The following FKBP8 variants were observed in gnomAD, a reference collection of about 807,000 sequenced individuals.
FKBP8 encodes FKBP prolyl isomerase 8.
A neutral mutation model predicts 41.7 loss-of-function variants in FKBP8; 5 were observed. That is an observed-to-expected ratio of 0.12 (90% CI 0.06 to 0.25). FKBP8 has a LOEUF of 0.25. FKBP8 is among the 10% of genes least tolerant of loss of function. FKBP8 has a pLI of 1.00. For synonymous variants in FKBP8, 279 were observed against 254.5 expected (o/e 1.10, Z -0.92); for missense variants, 397 against 563.0 (o/e 0.71, Z 2.98).
chr19:18,539,287 T>C (rs1260929775), intron 4 of FKBP8, 84 bp downstream of exon 4: 1 of 1,230,426 alleles, frequency 8.1e-7, no homozygotes, highest in Non-Finnish European at 1.2e-6. Flanking sequence ...AATGGGCAAG[T>C]AGATGGGGTG....
chr19:18,538,123 T>C lies in FKBP8; in HGVS notation c.772+93A>G. ...CCATATTCTGGGCTATTCTAGAATA[T>C]TCTGAGTCTGAGGCTCTCTGGGGCT... On this transcript the variant is annotated intron_variant, in intron 5 of 8. Transcript: ENST00000608443. This position sits in a 1 kb window ranked among gnomAD's most constrained non-coding sequence, Gnocchi z 4.0. 1.5e-6 allele frequency: 2 copies of C among 1,336,914 alleles called. No individual in the cohort carries two copies. Among genetic ancestry groups the C allele is most frequent in the Non-Finnish European group, 2.1e-6 (2 of 963,078 alleles). 82.8% of individuals were successfully genotyped at this position (1,336,914 alleles called of 1,614,324 possible).
rs544946458 is a variant in FKBP8 at position 18,539,667 on chromosome 19, G to A, written c.346C>T (p.Arg116Cys). ...GTGACCACCTGGCCCTTGACCGGGC[G>A]GCTCGAACCTGGCGGCCCTGGGACC... ...TLVPGPPGSS[R>C]PVKGQVVTVH... The change falls in exon 3 of 9, where the codon CGC becomes TGC. Residue 116 changes from arginine (R) to cysteine (C), a missense_variant. By Grantham distance (180) the Arg-to-Cys change is radical (BLOSUM62 -3). Around this residue, in one of 2 missense-constraint regions of FKBP8, gnomAD observed 172 missense variants for 196.2 expected, o/e 0.88. Transcript: ENST00000608443. 2.2e-5 allele frequency: 36 copies of A among 1,611,510 alleles called. No homozygotes were observed. The highest frequency in any genetic ancestry group is 1.6e-4 in the African/African-American group (12 of 75,046).
chr19:18,543,314 C>A, intron 1 of FKBP8, 172 bp downstream of exon 1: 1 of 123,140 alleles, frequency 8.1e-6, no homozygotes, highest in South Asian at 2.9e-4. Context: ...CCACCCCCGC[C>A]CGGCCGCGCC....
At position 18,537,578 on chromosome 19, in the gene FKBP8, C is replaced by A; in HGVS notation, c.945+23G>T. ...GTATACCCCAGGCTGAGTGACCCGG[C>A]CTGGCACCCCGGTGTGGCCTACCTT... is the stretch of plus-strand genomic sequence containing the variant. On this transcript the variant is annotated intron_variant, in intron 6 of 8. Transcript: ENST00000608443. The surrounding 1 kb of genome is among the most constrained non-coding windows in gnomAD (Gnocchi z 4.4). 6.4e-7 allele frequency: 1 copy of A among 1,563,464 alleles called. No individual in the cohort carries two copies. Among genetic ancestry groups the A allele is most frequent in the Admixed American group, 1.8e-5 (1 of 55,286 alleles).
intron 6 of FKBP8, among the ~76,000 whole-genome samples, chr19:18,535,767 A>T (rs1600531916): frequency 6.8e-6 from 1 of 146,686 alleles, no homozygotes; most frequent in Non-Finnish European, 1.5e-5. Flanking sequence ...GAAATCTGTA[A>T]CTTTCCAGGG....
intron 2 of FKBP8, among the ~76,000 whole-genome samples, chr19:18,540,894 A>C (rs1976682537): frequency 6.6e-6 from 1 of 152,024 alleles, no homozygotes; most frequent in Non-Finnish European, 1.5e-5. Context: ...AAAAGTAGTA[A>C]GATTTTTATC....
At chr19:18,534,451 T>C (rs1568409268) in intron 6 of FKBP8, among the ~76,000 whole-genome samples, 1 of 152,174 alleles carries the variant, frequency 6.6e-6, no homozygotes, top group Non-Finnish European at 1.5e-5. Flanking sequence ...ACACTTAGCT[T>C]GGCATTGGTC....
Position 18,532,119 on chromosome 19 carries a change from C to T in FKBP8, c.*50G>A, listed in dbSNP as rs955102268. The T allele has an allele frequency of 1.4e-5, 21 of 1,478,756 alleles. No homozygotes were observed. The highest frequency in any genetic ancestry group is 2.4e-5 in the South Asian group (2 of 82,784). The allele number at this position is 1,478,756 out of a possible 1,614,324, so 91.6% of individuals were successfully genotyped here. A position where few individuals can be genotyped will look rare whatever the true frequency, so the allele number is the denominator to read the frequency against. On this transcript the variant is annotated 3_prime_UTR_variant, in exon 9 of 9. Transcript: ENST00000608443. The stretch of plus-strand genomic sequence containing the variant: ...CAGGGAGCCTGGGGGAGTTGGGGAG[C>T]GCAGGGCAGGGTCCATGGTGTGCAG...
At chr19:18,543,071 C>G in intron 1 of FKBP8, 1 of 304,252 alleles carries the variant, frequency 3.3e-6, no homozygotes, top group Non-Finnish European at 6.3e-6. Context: ...TCCAGTGTCC[C>G]CAGACGCCCC....
At chr19:18,532,466 T>G in intron 8 of FKBP8, 198 bp downstream of exon 8, 1 of 967,572 alleles carries the variant, frequency 1.0e-6, no homozygotes, top group South Asian at 1.6e-5. Flanking sequence ...TGGAAGAGGC[T>G]CCACAGTCCA....
chr19:18,539,029 T>C, intron 4 of FKBP8, among the ~76,000 whole-genome samples: 1 of 151,806 alleles, frequency 6.6e-6, no homozygotes, highest in East Asian at 1.9e-4. Context: ...CTAGCCAGGA[T>C]GGCCTTGATC....
At chr19:18,541,020 C>T (rs61758308) in intron 2 of FKBP8, among the ~76,000 whole-genome samples, 2,876 of 152,208 alleles carry the variant, frequency 0.019, 46 homozygotes, top group Non-Finnish European at 0.029. Context: ...TTATTATTTG[C>T]ATGGGCACCA....
At position 18,534,726 on chromosome 19, in the gene FKBP8, C is replaced by T. The variant is rs978346622; in HGVS notation, c.946-1379G>A. Among the ~76,000 whole-genome samples, 7 of 152,104 alleles carry T rather than the reference C, an allele frequency of 4.6e-5. No homozygotes were observed. In the South Asian group the frequency reaches 6.2e-4, roughly 14 times the overall value. ...CCTCCCGAGGAGCTGGGACTACAGGCGTGTACTACCATGTCCAACGAATTA... is the reference window on the plus strand; with the variant it reads ...CCTCCCGAGGAGCTGGGACTACAGGTGTGTACTACCATGTCCAACGAATTA... On this transcript the variant is annotated intron_variant, in intron 6 of 8. Coordinates refer to ENST00000608443, the MANE Select transcript of FKBP8 (RefSeq NM_012181.5).
At chr19:18,539,985 G>A (rs943357444) in intron 2 of FKBP8, among the ~76,000 whole-genome samples, 1 of 151,772 alleles carries the variant, frequency 6.6e-6, no homozygotes, top group East Asian at 1.9e-4. Flanking sequence ...GGTTGGTCTG[G>A]TTTTTTTGTT....
In FKBP8 at chr19:18,538,808, CTTTTTTTTTTTTTT is replaced by C. The variant is rs1165932658; in HGVS notation, c.552-386_552-373del. ...GACTACAGGTGTGCACCACACCCAG[CTTTTTTTTTTTTTT>C]TTTTTTTTTTTTGAGACAGTCTTGC... On this transcript the variant is annotated intron_variant, in intron 4 of 8. Transcript: ENST00000608443. This position sits in a 1 kb window ranked among gnomAD's most constrained non-coding sequence, Gnocchi z 4.0. Among the ~76,000 whole-genome samples the C allele has an allele frequency of 9.8e-6, 1 of 102,206 alleles. No individual in the cohort carries two copies. The highest frequency in any genetic ancestry group is 1.8e-5 in the Non-Finnish European group (1 of 55,794). 67.1% of individuals were successfully genotyped at this position (102,206 alleles called of 152,430 possible).
chr19:18,533,051 G>T, intron 7 of FKBP8: 1 of 688,408 alleles, frequency 1.5e-6, no homozygotes, highest in Non-Finnish European at 2.4e-6. Context: ...GCATGGAGCA[G>T]GCTGGCAGTG....
Position 18,532,908 on chromosome 19 carries a change from GTCCCA to G in FKBP8, c.1024-118_1024-114del, listed in dbSNP as rs1406534013. ...GTGGTGGGACTGTTGGGACACAGGG[GTCCCA>G]TCTGCCCCTTTCTGGGCTTAGCAAA... On this transcript the variant is annotated intron_variant, in intron 7 of 8. Coordinates refer to ENST00000608443, the MANE Select transcript of FKBP8 (RefSeq NM_012181.5). 16 of 1,501,702 alleles carry G rather than the reference GTCCCA, an allele frequency of 1.1e-5. 1 individual carries two copies. In the South Asian group the frequency reaches 1.5e-4, roughly 15 times the overall value. The allele number at this position is 1,501,702 out of a possible 1,614,324, so 93.0% of individuals were successfully genotyped here.
At position 18,541,650 on chromosome 19, in the gene FKBP8, G is replaced by A. The variant is rs775321110; in HGVS notation, c.292+29C>T. 4.4e-6 allele frequency: 7 copies of A among 1,574,256 alleles called. No homozygotes were observed. The African/African-American group carries it at 5.4e-5, about 12-fold the overall frequency. ...CAGGGGACGAGAGGGCCAGGGCCAA[G>A]GGCACCCTGATCCACCTTTGCTCCT... On this transcript the variant is annotated intron_variant, in intron 2 of 8. Coordinates refer to ENST00000608443, the MANE Select transcript of FKBP8 (RefSeq NM_012181.5).
chr19:18,541,912 G>C lies in FKBP8; in HGVS notation c.59C>G (p.Pro20Arg). ...PSAPLPAGVP[P>R]LEDFEVLDGV... ...ATCCAGTACCTCGAAGTCCTCGAGC[G>C]GTGGGACCCCGGCGGGCAGTGGGGC... The change falls in exon 2 of 9, where the codon CCG (proline) becomes CGG (arginine). Residue 20 changes from proline (P) to arginine (R), a missense_variant. This residue lies in a region of FKBP8 where 172 missense variants were observed against 196.2 expected (regional missense o/e 0.88). Coordinates refer to ENST00000608443, the MANE Select transcript of FKBP8 (RefSeq NM_012181.5). 6.2e-7 allele frequency: 1 copy of C among 1,614,064 alleles called. No homozygotes were observed. Among genetic ancestry groups the C allele is most frequent in the Non-Finnish European group, 8.5e-7 (1 of 1,179,976 alleles).
Sources: allele counts gnomAD v4.1 joint callset (sites outside exome capture counted in the v4.1 genomes callset), GRCh38; gene constraint gnomAD v4.1.1; regional missense constraint gnomAD v4.1.1; non-coding constraint Gnocchi (gnomAD v3.1); transcripts MANE v1.5; gene names NCBI Gene and HGNC (gene_info 2026-07-23, HGNC 2026-07-21).